AP3M2: variants seen among roughly 807,000 people sequenced by gnomAD.
The protein encoded by AP3M2 is AP-3 complex subunit mu-2.
A neutral mutation model predicts 41.6 loss-of-function variants in AP3M2; 28 were observed. The ratio of observed to expected loss-of-function variants is 0.67; its 90% confidence interval spans 0.50 to 0.92. AP3M2 has a LOEUF of 0.92. AP3M2 is among the 40% of genes least tolerant of loss of function. The pLI is 0.00. For missense variants in AP3M2, 427 were observed against 521.4 expected (o/e 0.82, Z 1.76); for synonymous variants, 193 against 186.4 (o/e 1.04, Z -0.29).
chr8:42,169,123 A>G lies in AP3M2; in HGVS notation c.*62A>G. On this transcript the variant is annotated 3_prime_UTR_variant, in exon 9 of 9. Coordinates refer to ENST00000396926, the MANE Select transcript of AP3M2 (RefSeq NM_006803.4). ...TTTCATTTCTTACTTGTCTAAAAGT[A>G]AAAAAAAATATCAGCCTGTCTCCTA... 8.5e-7 allele frequency: 1 copy of G among 1,180,050 alleles called. No homozygotes were observed. Among genetic ancestry groups the G allele is most frequent in the Non-Finnish European group, 1.2e-6 (1 of 844,064 alleles). 73.1% of individuals were successfully genotyped at this position (1,180,050 alleles called of 1,614,324 possible).
chr8:42,166,765 T>C (rs1375614257), intron 6 of AP3M2, among the ~76,000 whole-genome samples: 1 of 150,260 alleles, frequency 6.7e-6, no homozygotes, highest in African/African-American at 2.5e-5. Flanking sequence ...AGACCCTATC[T>C]CAAAAAAAAA....
intron 4 of AP3M2, among the ~76,000 whole-genome samples, chr8:42,163,638 A>G (rs1804567602): frequency 6.6e-6 from 1 of 152,232 alleles, no homozygotes; most frequent in Non-Finnish European, 1.5e-5. Context: ...TCAGATGCAT[A>G]AGATTATAGA....
At chr8:42,158,298 G>A (rs911682306) in intron 3 of AP3M2, among the ~76,000 whole-genome samples, 186 bp downstream of exon 3, 11 of 151,038 alleles carry the variant, frequency 7.3e-5, no homozygotes, top group Non-Finnish European at 1.6e-4. Flanking sequence ...ACCCAGGCTG[G>A]AGTGCAGTGG....
At chr8:42,165,970 G>T (rs1047126847) in intron 6 of AP3M2, among the ~76,000 whole-genome samples, 3 of 152,124 alleles carry the variant, frequency 2.0e-5, no homozygotes, top group Non-Finnish European at 4.4e-5. Flanking sequence ...AGTGATTTTT[G>T]GTCTTGAACA....
intron 4 of AP3M2, among the ~76,000 whole-genome samples, chr8:42,162,765 T>G (rs1294374732): frequency 6.6e-6 from 1 of 151,680 alleles, no homozygotes; most frequent in Non-Finnish European, 1.5e-5. Flanking sequence ...AGCAACATAG[T>G]GAGACCCCAT....
At position 42,158,081 on chromosome 8, in the gene AP3M2, C is replaced by T. The variant is rs763702297; in HGVS notation, c.414C>T (p.Thr138=). 20 of 1,613,994 alleles carry T rather than the reference C, an allele frequency of 1.2e-5. No homozygotes were observed. Among genetic ancestry groups the T allele is most frequent in the Non-Finnish European group, 1.6e-5 (19 of 1,179,936 alleles). The part of the protein sequence containing the change: ...NILKELIKPP[T]ILRTVVNTIT... ...TTAAAGAACTCATAAAGCCTCCTAC[C>T]ATCCTTCGAACGGTTGTCAACACCA... Residue 138 remains threonine (T), a synonymous_variant, in exon 3 of 9, where the codon ACC becomes ACT. Transcript: ENST00000396926.
rs1804522661 is a variant in AP3M2, at chr8:42,162,179, A to G, written c.446-102A>G. 8 of 1,171,232 alleles carry G rather than the reference A, an allele frequency of 6.8e-6. No individual in the cohort carries two copies. In the South Asian group the frequency reaches 9.8e-5, roughly 14 times the overall value. 72.6% of individuals were successfully genotyped at this position (1,171,232 alleles called of 1,614,324 possible). A position where few individuals can be genotyped will look rare whatever the true frequency, so the allele number is the denominator to read the frequency against. Reference sequence around the variant, plus strand: ...CATCTTCTGTTTGAAAAATTCTTCAATTGAGTGCATGAATAGTGGGAGCAT... The same window carrying G: ...CATCTTCTGTTTGAAAAATTCTTCAGTTGAGTGCATGAATAGTGGGAGCAT... On this transcript the variant is annotated intron_variant, in intron 3 of 8. Transcript: ENST00000396926.
At position 42,154,971 on chromosome 8, in the gene AP3M2, G is replaced by GT; in HGVS notation, c.273+12dup. On this transcript the variant is annotated intron_variant, in intron 2 of 8. Transcript: ENST00000396926. ...GTGGACACATTTCAGGTTCGTGAAT[G>GT]TGGGAAAGTTCATATATGTAAACCG... 1 of 1,608,254 alleles carries GT rather than the reference G, an allele frequency of 6.2e-7. No individual in the cohort carries two copies. Among genetic ancestry groups the GT allele is most frequent in the Non-Finnish European group, 8.5e-7 (1 of 1,174,964 alleles).
intron 2 of AP3M2, chr8:42,155,899 A>G (rs1804340672): frequency 2.2e-6 from 1 of 446,772 alleles, no homozygotes; most frequent in Non-Finnish European, 4.5e-6. Flanking sequence ...TTGTACTCAT[A>G]TCTGCACCAC....
rs56858276 is a variant in AP3M2, at chr8:42,166,591, C to CAAAAAAAAAAAAAAAAA, written c.804-570_804-554dup. ...GCAACATGGCCAAACCTTGTCTCTA[C>CAAAAAAAAAAAAAAAAA]AAAAAAAAAAAAAAAAAAAGTAAAA... On this transcript the variant is annotated intron_variant, in intron 6 of 8. Coordinates refer to ENST00000396926, the MANE Select transcript of AP3M2 (RefSeq NM_006803.4). Among the ~76,000 whole-genome samples the CAAAAAAAAAAAAAAAAA allele has an allele frequency of 2.8e-3, 219 of 77,012 alleles. 5 individuals are homozygous for CAAAAAAAAAAAAAAAAA. The highest frequency in any genetic ancestry group is 0.01 in the African/African-American group (187 of 18,694). The allele number at this position is 77,012 out of a possible 152,430, so 50.5% of individuals were successfully genotyped here.
chr8:42,159,133 T>G (rs1273512014), intron 3 of AP3M2, among the ~76,000 whole-genome samples: 1 of 152,172 alleles, frequency 6.6e-6, no homozygotes, highest in African/African-American at 2.4e-5. Context: ...CCATGTGGAG[T>G]GGACCCAAAG....
chr8:42,153,551 C>G (rs1587910278), intron 1 of AP3M2: 1 of 152,526 alleles, frequency 6.6e-6, no homozygotes, highest in East Asian at 1.9e-4. Flanking sequence ...CCGCAGGCCT[C>G]TGCGTTTTGA....
chr8:42,156,844 AGT>A (rs538782871), intron 2 of AP3M2, among the ~76,000 whole-genome samples: 9 of 152,316 alleles, frequency 5.9e-5, no homozygotes, highest in African/African-American at 1.9e-4. Context: ...GTATCTTGAA[AGT>A]GTGGCCCTGA....
intron 6 of AP3M2, 142 bp downstream of exon 6, chr8:42,165,702 G>A (rs1000140452): frequency 2.1e-6 from 2 of 959,022 alleles, no homozygotes; most frequent in Admixed American, 2.6e-5. Context: ...GGTAACCTCA[G>A]GTGAGTTGCT....
intron 3 of AP3M2, among the ~76,000 whole-genome samples, chr8:42,159,353 A>C (rs1157826488): frequency 6.6e-6 from 1 of 152,230 alleles, no homozygotes; most frequent in Non-Finnish European, 1.5e-5. Flanking sequence ...ACTTTCAGTA[A>C]CAATTTCAAA....
At position 42,168,953 on chromosome 8, in the gene AP3M2, C is replaced by T. The variant is rs1804713758; in HGVS notation, c.1157-8C>T. 1 of 1,590,502 alleles carries T rather than the reference C, an allele frequency of 6.3e-7. No homozygotes were observed. Among genetic ancestry groups the T allele is most frequent in the African/African-American group, 1.4e-5 (1 of 73,426 alleles). ...CATGTCTATTTTCCCTCTCTCCCTC[C>T]TTTCTAGGACTCAAGGTGAATCGTC... On this transcript the variant is annotated splice_region_variant and splice_polypyrimidine_tract_variant and intron_variant, in intron 8 of 8. Transcript: ENST00000396926.
chr8:42,167,405 G>A lies in AP3M2; in HGVS notation c.1011+34G>A, dbSNP rs1024786531. ...GAGCAGGACATCTTGAATTGCTGAT[G>A]TTAAGCAGAAACCAGTCTGCAGGTT... is the stretch of plus-strand genomic sequence containing the variant. On this transcript the variant is annotated intron_variant, in intron 7 of 8. Coordinates refer to ENST00000396926, the MANE Select transcript of AP3M2 (RefSeq NM_006803.4). The A allele has an allele frequency of 4.4e-6, 7 of 1,607,764 alleles. No individual in the cohort carries two copies. In the African/African-American group the frequency reaches 9.4e-5, roughly 21 times the overall value.
At chr8:42,164,939 A>G in intron 4 of AP3M2, 132 bp from the exon 5 acceptor site, 1 of 684,938 alleles carries the variant, frequency 1.5e-6, no homozygotes, top group Non-Finnish European at 2.4e-6. Context: ...AAAGAAAGGG[A>G]GAGAGAGGAA....
chr8:42,155,590 G>T (rs566444769), intron 2 of AP3M2, among the ~76,000 whole-genome samples: 1 of 152,268 alleles, frequency 6.6e-6, no homozygotes, highest in Non-Finnish European at 1.5e-5. Context: ...AACTTAGGGG[G>T]TGATGTCCAA....
Sources: allele counts gnomAD v4.1 joint callset (sites outside exome capture counted in the v4.1 genomes callset), GRCh38; gene constraint gnomAD v4.1.1; transcripts MANE v1.5; gene names NCBI Gene and HGNC (gene_info 2026-07-23, HGNC 2026-07-21).